The following FHOD3 variants were observed in gnomAD, a reference collection of about 807,000 sequenced individuals.
FHOD3 encodes the protein FH1/FH2 domain-containing protein 3.
In FHOD3, 90 loss-of-function variants were observed where a neutral mutation model predicts 173.0. The observed-to-expected ratio is 0.52, with a 90% CI of 0.44 to 0.62. The LOEUF is 0.62. FHOD3 is among the 20% of genes least tolerant of loss of function. FHOD3 has a pLI of 0.00. For synonymous variants in FHOD3, 828 were observed against 823.0 expected (o/e 1.01, Z -0.10); for missense variants, 1,945 against 2,034.7 (o/e 0.96, Z 0.85).
intron 17 of FHOD3, among the ~76,000 whole-genome samples, chr18:36,694,369 T>G (rs1045742793): frequency 6.6e-6 from 1 of 152,248 alleles, no homozygotes; most frequent in Non-Finnish European, 1.5e-5. Flanking sequence ...AATTCTTTGC[T>G]GGCTCTCCAA....
intron 3 of FHOD3, among the ~76,000 whole-genome samples, chr18:36,459,788 C>G (rs149484692): frequency 2.6e-5 from 4 of 152,270 alleles, no homozygotes; most frequent in African/African-American, 7.2e-5. Context: ...ACAGCTTACA[C>G]TAAGCTGGTA....
chr18:36,325,357 A>G (rs1371878898), intron 1 of FHOD3, among the ~76,000 whole-genome samples: 4 of 152,250 alleles, frequency 2.6e-5, no homozygotes, highest in African/African-American at 9.6e-5. Flanking sequence ...AGCAATTGGT[A>G]TAGAATACCT....
chr18:36,505,346 T>C (rs1322573813), intron 4 of FHOD3, among the ~76,000 whole-genome samples: 1 of 152,208 alleles, frequency 6.6e-6, no homozygotes, highest in Non-Finnish European at 1.5e-5. Flanking sequence ...GGTGTTAGAA[T>C]GATCACCATA....
At chr18:36,751,162 T>G (rs2042387949) in intron 24 of FHOD3, among the ~76,000 whole-genome samples, 1 of 152,212 alleles carries the variant, frequency 6.6e-6, no homozygotes, top group South Asian at 2.1e-4. Context: ...CTTTGAGCAG[T>G]GTTTTGTAAT....
intron 3 of FHOD3, among the ~76,000 whole-genome samples, chr18:36,377,071 G>T (rs965336126): frequency 6.6e-6 from 1 of 152,208 alleles, no homozygotes; most frequent in Non-Finnish European, 1.5e-5. Flanking sequence ...TGAGGTGCAG[G>T]TTTTGTCCAG....
intron 24 of FHOD3, 53 bp from the exon 25 acceptor site, chr18:36,755,066 A>T (rs1487704241): frequency 8.2e-7 from 1 of 1,214,980 alleles, no homozygotes; most frequent in African/African-American, 1.6e-5. Flanking sequence ...TTAGACAAGT[A>T]ATTTTTATTT....
chr18:36,393,054 GA>G (rs1172601678), intron 3 of FHOD3, among the ~76,000 whole-genome samples: 1 of 152,218 alleles, frequency 6.6e-6, no homozygotes. Flanking sequence ...TGACCTTTGA[GA>G]AAGAAAGATT....
chr18:36,384,271 T>A (rs2047921610), intron 3 of FHOD3, among the ~76,000 whole-genome samples: 1 of 151,930 alleles, frequency 6.6e-6, no homozygotes, highest in African/African-American at 2.4e-5. Context: ...TCCTAGCTAC[T>A]TGGGAGGCTG....
In FHOD3 at chr18:36,779,469, G is replaced by C; in HGVS notation, c.4808G>C (p.Gly1603Ala). 1 of 1,614,136 alleles carries C rather than the reference G, an allele frequency of 6.2e-7. No individual in the cohort carries two copies. Among genetic ancestry groups the C allele is most frequent in the Non-Finnish European group, 8.5e-7 (1 of 1,180,026 alleles). The change falls in exon 29 of 29, where the codon GGC becomes GCC. Residue 1603 changes from glycine (G) to alanine (A), a missense_variant. By Grantham distance (60) the Gly-to-Ala change is moderately conservative (BLOSUM62 0). This residue lies in a region of FHOD3 where 354 missense variants were observed against 359.9 expected (regional missense o/e 0.98). Transcript: ENST00000590592. ...GCAGTGCGAAGAACCCTGAAGAGCGGCCTGACCCCAGAAGAAGCCAGAGCC... is the reference window on the plus strand; with the variant it reads ...GCAGTGCGAAGAACCCTGAAGAGCGCCCTGACCCCAGAAGAAGCCAGAGCC... ...RKSLRRTLKSGLTPEEARALG... is the reference protein window; with the variant it reads ...RKSLRRTLKSALTPEEARALG...
chr18:36,405,064 C>T (rs1306999058), intron 3 of FHOD3, among the ~76,000 whole-genome samples: 1 of 152,160 alleles, frequency 6.6e-6, no homozygotes, highest in African/African-American at 2.4e-5. Flanking sequence ...GCCCCAGTGC[C>T]CTTGGGGTAT....
chr18:36,509,442 GAAAA>G (rs60899667), intron 4 of FHOD3, among the ~76,000 whole-genome samples: 1 of 60,494 alleles, frequency 1.7e-5, no homozygotes, highest in Non-Finnish European at 4.7e-5. Context: ...AAAAAAAAAA[GAAAA>G]AAAAAAGAAA....
intron 1 of FHOD3, among the ~76,000 whole-genome samples, chr18:36,337,716 T>C (rs991481741): frequency 6.6e-6 from 1 of 152,180 alleles, no homozygotes; most frequent in African/African-American, 2.4e-5. Flanking sequence ...GATTTTAAAA[T>C]TGGATTTTAA....
chr18:36,646,345 T>G (rs1315167465), intron 10 of FHOD3, among the ~76,000 whole-genome samples: 1 of 152,204 alleles, frequency 6.6e-6, no homozygotes, highest in Admixed American at 6.5e-5. Flanking sequence ...TGTGAAAATT[T>G]AAACACTATT....
intron 9 of FHOD3, among the ~76,000 whole-genome samples, chr18:36,622,363 AAAAT>A (rs1487577979): frequency 2.0e-5 from 3 of 152,198 alleles, no homozygotes; most frequent in Admixed American, 1.3e-4. Context: ...TAAAAAGAAA[AAAAT>A]TCTTAAGAAT....
chr18:36,579,725 A>T (rs2058776861), intron 6 of FHOD3, among the ~76,000 whole-genome samples: 1 of 152,174 alleles, frequency 6.6e-6, no homozygotes, highest in Non-Finnish European at 1.5e-5. Context: ...ATGCAGAGAG[A>T]CTGGGCCCTC....
At chr18:36,748,094 T>A (rs1286637851) in intron 24 of FHOD3, among the ~76,000 whole-genome samples, 3 of 152,172 alleles carry the variant, frequency 2.0e-5, no homozygotes, top group Non-Finnish European at 4.4e-5. Context: ...AAGTAGTTTT[T>A]AAAGTTGGAC....
At chr18:36,674,165 A>G (rs1851109163) in intron 14 of FHOD3, among the ~76,000 whole-genome samples, 1 of 152,200 alleles carries the variant, frequency 6.6e-6, no homozygotes, top group Non-Finnish European at 1.5e-5. Flanking sequence ...TGAAATCTGA[A>G]CAATGAGCCC....
intron 3 of FHOD3, among the ~76,000 whole-genome samples, chr18:36,484,753 G>A (rs912608951): frequency 2.6e-5 from 4 of 152,268 alleles, no homozygotes; most frequent in African/African-American, 4.8e-5. Flanking sequence ...AGCCCCCCAG[G>A]GGGTGTGGTG....
rs11661275 is a variant in FHOD3, at chr18:36,709,401, G to A, written c.2533+10G>A. 262,995 of 1,607,238 alleles carry A rather than the reference G, an allele frequency of 0.16. 23,789 individuals are homozygous for A. The highest frequency in any genetic ancestry group is 0.19 in the Non-Finnish European group (219,488 of 1,175,810). On this transcript the variant is annotated intron_variant, in intron 18 of 28. Transcript: ENST00000590592. The stretch of plus-strand genomic sequence containing the variant: ...AGGGACAGGACAACTGGTAAATGAA[G>A]CCCCTTGTTTCAGTCGGCATGTGCC...
Sources: gnomAD v4.1 joint callset for allele counts (sites outside exome capture counted in the v4.1 genomes callset) on GRCh38, gnomAD v4.1.1 for gene constraint, gnomAD v4.1.1 regional missense constraint, MANE v1.5 for transcripts, NCBI Gene and HGNC (gene_info 2026-07-23, HGNC 2026-07-21) for gene names.